Variants in THOC1 observed in about 807,000 individuals in gnomAD.
THOC1 encodes THO complex subunit 1.
THOC1 carries 29 observed loss-of-function variants against 97.3 expected under a neutral mutation model. That is an observed-to-expected ratio of 0.30 (90% CI 0.22 to 0.41). The LOEUF (loss-of-function observed/expected upper bound fraction) is 0.41. Among genes scored for constraint, THOC1 ranks in the 10% least tolerant of loss-of-function variants. THOC1 has a pLI of 1.00. For synonymous variants in THOC1, 255 were observed against 257.0 expected (o/e 0.99, Z 0.07); for missense variants, 529 against 761.9 (o/e 0.69, Z 3.60).
intron 16 of THOC1, 80 bp downstream of exon 16, chr18:224,004 T>G (rs938763507): frequency 9.7e-7 from 1 of 1,033,166 alleles, no homozygotes; most frequent in African/African-American, 1.6e-5. Context: ...TACTATATTT[T>G]GGATGGAGAG....
At chr18:262,981 G>A (rs1220933037) in intron 4 of THOC1, among the ~76,000 whole-genome samples, 1 of 152,118 alleles carries the variant, frequency 6.6e-6, no homozygotes, top group Admixed American at 6.6e-5. Flanking sequence ...TATGTGCATT[G>A]TTTACCCGAA....
chr18:240,754 A>G (rs1911868257), intron 11 of THOC1, among the ~76,000 whole-genome samples: 1 of 152,190 alleles, frequency 6.6e-6, no homozygotes, highest in African/African-American at 2.4e-5. Context: ...AGTGCATTAC[A>G]TTTATTGTGT....
chr18:224,895 T>C (rs996890444), intron 15 of THOC1, 29 bp downstream of exon 15: 2 of 1,530,750 alleles, frequency 1.3e-6, no homozygotes, highest in Admixed American at 1.9e-5. Flanking sequence ...GATGAGTATG[T>C]ATTTACCTTT....
intron 9 of THOC1, among the ~76,000 whole-genome samples, chr18:249,939 T>G (rs598162): frequency 6.6e-6 from 1 of 152,104 alleles, no homozygotes; most frequent in Non-Finnish European, 1.5e-5. Flanking sequence ...TGGGGCTACC[T>G]CTAACAGAGA....
intron 11 of THOC1, among the ~76,000 whole-genome samples, chr18:239,179 C>A (rs1911810918): frequency 6.6e-6 from 1 of 152,188 alleles, no homozygotes; most frequent in South Asian, 2.1e-4. Flanking sequence ...ACAGAATATT[C>A]TTACGCTATC....
At chr18:227,008 T>A in intron 11 of THOC1, 107 bp from the exon 12 acceptor site, 1 of 889,286 alleles carries the variant, frequency 1.1e-6, no homozygotes, top group Non-Finnish European at 1.7e-6. Flanking sequence ...CAATTCAATT[T>A]AAAAGCCATT....
rs569949634 is a variant in THOC1, at chr18:237,831, G to GTA, written c.918+8491_918+8492dup. The stretch of plus-strand genomic sequence containing the variant: ...TGAGAAAAAGAATGTGTAAACAATT[G>GTA]TATAAAAACAACTAAATTATAAATT... On this transcript the variant is annotated intron_variant, in intron 11 of 20. Transcript: ENST00000261600. 1.6e-3 allele frequency among the ~76,000 whole-genome samples: 250 copies of GTA among 152,174 alleles called. 2 individuals are homozygous for GTA. The highest frequency in any genetic ancestry group is 2.7e-3 in the Non-Finnish European group (183 of 67,998).
At chr18:266,085 CTTG>C (rs1912758082) in intron 1 of THOC1, among the ~76,000 whole-genome samples, 1 of 152,220 alleles carries the variant, frequency 6.6e-6, no homozygotes, top group Non-Finnish European at 1.5e-5. Flanking sequence ...CTGGAGGTAT[CTTG>C]TTCAGTCCCT....
chr18:223,921 G>C (rs1225132937), intron 16 of THOC1, among the ~76,000 whole-genome samples, 163 bp downstream of exon 16: 4 of 152,132 alleles, frequency 2.6e-5, no homozygotes, highest in African/African-American at 9.7e-5. Flanking sequence ...TCTGGTGCAT[G>C]AACCCACACA....
intron 18 of THOC1, 31 bp from the exon 19 acceptor site, chr18:216,664 A>T: frequency 6.3e-7 from 1 of 1,598,258 alleles, no homozygotes; most frequent in Non-Finnish European, 8.5e-7. Context: ...CTTGTAATTT[A>T]TAGCTTTGTA....
At chr18:230,188 CAACTCTAGG>C (rs1911436802) in intron 11 of THOC1, among the ~76,000 whole-genome samples, 1 of 150,944 alleles carries the variant, frequency 6.6e-6, no homozygotes, top group African/African-American at 2.4e-5. Context: ...TTTGCCCAAG[CAACTCTAGG>C]AAGGCTTCCT....
intron 18 of THOC1, 104 bp from the exon 19 acceptor site, chr18:216,737 A>G (rs539991340): frequency 7.3e-7 from 1 of 1,373,308 alleles, no homozygotes; most frequent in Admixed American, 3.1e-5. Flanking sequence ...TAAATAGCTC[A>G]AAGTGCCATT....
intron 11 of THOC1, among the ~76,000 whole-genome samples, chr18:243,467 G>A (rs1445337742): frequency 6.6e-6 from 1 of 152,034 alleles, no homozygotes; most frequent in Non-Finnish European, 1.5e-5. Flanking sequence ...AAACCCAGGT[G>A]GCAGAGGTTG....
intron 11 of THOC1, among the ~76,000 whole-genome samples, chr18:239,776 C>T (rs1320887867): frequency 1.3e-5 from 2 of 152,130 alleles, no homozygotes; most frequent in South Asian, 4.1e-4. Flanking sequence ...TCTATTAAAA[C>T]ATGCATATCA....
intron 10 of THOC1, 89 bp from the exon 11 acceptor site, chr18:246,544 C>A (rs566099531): frequency 1.4e-4 from 155 of 1,131,176 alleles, no homozygotes; most frequent in Middle Eastern, 2.1e-4. Context: ...AATTTACTCC[C>A]AGTCAATCAT....
At chr18:247,988 C>A (rs1193695638) in intron 9 of THOC1, 31 bp from the exon 10 acceptor site, 3 of 1,284,902 alleles carry the variant, frequency 2.3e-6, no homozygotes, top group Admixed American at 2.5e-5. Flanking sequence ...TTAAATAAAT[C>A]ATTCAAATTC....
chr18:234,556 T>C (rs1164679682), intron 11 of THOC1, among the ~76,000 whole-genome samples: 2 of 151,124 alleles, frequency 1.3e-5, no homozygotes, highest in Admixed American at 6.6e-5. Context: ...TTTTTTTTGT[T>C]TTGTTTTTTC....
Position 217,678 on chromosome 18 carries a change from C to T in THOC1, c.1455-1045G>A, listed in dbSNP as rs981888306. ...ATGAGAAAGTGGTAAGTGCCACCTT[C>T]TCATTTGGATAGTGGTAAGTGCCGT... On this transcript the variant is annotated intron_variant, in intron 18 of 20. Transcript: ENST00000261600. Among the ~76,000 whole-genome samples the T allele has an allele frequency of 6.0e-5, 9 of 151,038 alleles. 1 individual carries two copies. The highest frequency in any genetic ancestry group is 5.9e-4 in the Admixed American group (9 of 15,210).
intron 7 of THOC1, among the ~76,000 whole-genome samples, chr18:255,292 GA>G (rs1912401728): frequency 1.3e-5 from 2 of 152,234 alleles, no homozygotes; most frequent in Admixed American, 6.5e-5. Flanking sequence ...ACGACAGGCT[GA>G]AAGTTCTCTT....
Sources: gnomAD v4.1 joint callset for allele counts (sites outside exome capture counted in the v4.1 genomes callset) on GRCh38, gnomAD v4.1.1 for gene constraint, MANE v1.5 for transcripts, NCBI Gene and HGNC (gene_info 2026-07-23, HGNC 2026-07-21) for gene names.